Variants in NUMA1 observed in about 807,000 individuals in gnomAD.
NUMA1 encodes the protein SP-H antigen.
A neutral mutation model predicts 237.1 loss-of-function variants in NUMA1; 62 were observed. That is an observed-to-expected ratio of 0.26 (90% confidence interval 0.21 to 0.32). The LOEUF (loss-of-function observed/expected upper bound fraction) is 0.32. NUMA1 is among the 10% of genes least tolerant of loss of function. The probability of loss-of-function intolerance (pLI) is 1.00; values close to 1 mark genes in which losing one functional copy is unlikely to be tolerated. For synonymous variants in NUMA1, 1,028 were observed against 1,066.1 expected (o/e 0.96, Z 0.70); for missense variants, 2,533 against 2,666.5 (o/e 0.95, Z 1.10).
intron 2 of NUMA1, among the ~76,000 whole-genome samples, chr11:72,036,808 C>T (rs555915016): frequency 6.6e-6 from 1 of 152,300 alleles, no homozygotes; most frequent in South Asian, 2.1e-4. Context: ...CCAACCCACC[C>T]AAGAGACCAC....
intron 2 of NUMA1, chr11:72,041,645 G>A (rs1176578913): frequency 1.3e-5 from 2 of 152,236 alleles, no homozygotes; most frequent in Non-Finnish European, 2.9e-5. Flanking sequence ...CAAGCAACAT[G>A]CAGGCCCTCT....
chr11:72,015,023 T>C lies in NUMA1; in HGVS notation c.2480A>G (p.Tyr827Cys). The change falls in exon 15 of 27, where the codon TAT becomes TGT. Residue 827 changes from tyrosine to cysteine, a missense_variant. By Grantham distance (194) the Tyr-to-Cys change is radical (BLOSUM62 -2). Around this residue, in one of 3 missense-constraint regions of NUMA1, gnomAD observed 1,414 missense variants for 1,508.1 expected, o/e 0.94. Transcript: ENST00000393695. The surrounding 1 kb of genome is among the most constrained non-coding windows in gnomAD (Gnocchi z 4.0). ...CAGCTGTTCCTGGAACATGGCGCCA[T>C]ACTGTGCCTCCTCTTGCTGGCTATC... ...YEDSQQEEAQ[Y>C]GAMFQEQLMT... is the part of the protein sequence containing the mutation. 1 of 1,614,122 alleles carries C rather than the reference T, an allele frequency of 6.2e-7. No homozygotes were observed. The highest frequency in any genetic ancestry group is 8.5e-7 in the Non-Finnish European group (1 of 1,180,022).
At chr11:72,020,530 T>C (rs1356236339) in intron 8 of NUMA1, 2 of 152,244 alleles carry the variant, frequency 1.3e-5, no homozygotes, top group African/African-American at 2.4e-5. Flanking sequence ...GGTTTATGTA[T>C]CTGCCTTTCC....
rs781152207 is a variant in NUMA1 at position 72,006,281 on chromosome 11, T to C, written c.5464-18A>G. 1.2e-6 allele frequency: 2 copies of C among 1,609,118 alleles called. No individual in the cohort carries two copies. Among genetic ancestry groups the C allele is most frequent in the South Asian group, 2.2e-5 (2 of 90,904 alleles). ...TCTAGCTTCTGGAAGACAGAGTGAA[T>C]CTGTTGCAGTGTACAGTCCCTGGCA... On this transcript the variant is annotated intron_variant, in intron 21 of 26. Transcript: ENST00000393695.
At chr11:72,034,968 CACCTT>C (rs1940827206) in intron 3 of NUMA1, among the ~76,000 whole-genome samples, 2 of 152,256 alleles carry the variant, frequency 1.3e-5, no homozygotes, top group African/African-American at 4.8e-5. Context: ...GGGATCCTCC[CACCTT>C]AGCCTGCCAA....
At chr11:72,042,273 G>C (rs995513988) in intron 2 of NUMA1, 7 of 152,232 alleles carry the variant, frequency 4.6e-5, no homozygotes, top group African/African-American at 1.2e-4. Flanking sequence ...AACATTTACT[G>C]AGCACCTACT....
chr11:72,005,458 C>G (rs2134419832), intron 22 of NUMA1, 89 bp from the exon 23 acceptor site: 2 of 1,306,242 alleles, frequency 1.5e-6, no homozygotes, highest in East Asian at 4.8e-5. Context: ...TTGCTGCCAC[C>G]TACCCCATAA....
In NUMA1 at chr11:72,005,319, C is replaced by T; in HGVS notation, c.5743G>A (p.Asp1915Asn). The change falls in exon 23 of 27, where the codon GAT becomes AAT. Residue 1915 changes from aspartate to asparagine, a missense_variant. By Grantham distance (23) the Asp-to-Asn change is conservative. Around this residue, in one of 3 missense-constraint regions of NUMA1, gnomAD observed 795 missense variants for 750.8 expected, o/e 1.06. Coordinates refer to ENST00000393695, the MANE Select transcript of NUMA1 (RefSeq NM_006185.4). ...AGCTCTGCAATGCGGTTCCAGTCATCCAGCTGCTCAGGCTCATCCTGGCAA... is the reference window on the plus strand; with the variant it reads ...AGCTCTGCAATGCGGTTCCAGTCATTCAGCTGCTCAGGCTCATCCTGGCAA... ...GTCQDEPEQL[D>N]DWNRIAELQQ... 6.2e-7 allele frequency: 1 copy of T among 1,608,330 alleles called. No homozygotes were observed. The highest frequency in any genetic ancestry group is 1.1e-5 in the South Asian group (1 of 90,314).
At chr11:72,046,493 G>A (rs897451367) in intron 2 of NUMA1, among the ~76,000 whole-genome samples, 4 of 151,900 alleles carry the variant, frequency 2.6e-5, no homozygotes, top group African/African-American at 4.8e-5. Context: ...GTGGTGAGCC[G>A]AGATCGTGCC....
At chr11:72,008,640 C>T (rs770033779) in intron 20 of NUMA1, 48 bp downstream of exon 20, 4 of 1,579,572 alleles carry the variant, frequency 2.5e-6, no homozygotes, top group African/African-American at 1.3e-5. Context: ...GCCTGATAAA[C>T]AGCAGGCACT....
intron 22 of NUMA1, 99 bp downstream of exon 22, chr11:72,005,936 C>T: frequency 9.7e-7 from 1 of 1,035,266 alleles, no homozygotes; most frequent in Admixed American, 2.2e-5. Context: ...AGCAAGGAGG[C>T]CAGCCTTGGA....
At position 72,029,290 on chromosome 11, in the gene NUMA1, C is replaced by A. The variant is rs764021799; in HGVS notation, c.43G>T (p.Val15Leu). Residue 15 changes from valine (V) to leucine (L), a missense_variant and splice_region_variant, in exon 4 of 27, where the codon GTG (valine) becomes TTG (leucine). By Grantham distance (32) the Val-to-Leu change is conservative (BLOSUM62 1). This residue lies in a region of NUMA1 where 1,414 missense variants were observed against 1,508.1 expected (regional missense o/e 0.94). Transcript: ENST00000393695. The part of the protein sequence containing the change: ...ATRGAALLSW[V>L]NSLHVADPVE... ...GGGTCAGCCACGTGTAGACTGTTCACCTGTAAATCAAAGGGAACAGCCTAG... is the reference window on the plus strand; with the variant it reads ...GGGTCAGCCACGTGTAGACTGTTCAACTGTAAATCAAAGGGAACAGCCTAG... The A allele has an allele frequency of 6.2e-7, 1 of 1,602,736 alleles. No individual in the cohort carries two copies. The highest frequency in any genetic ancestry group is 8.5e-7 in the Non-Finnish European group (1 of 1,176,524).
intron 9 of NUMA1, 161 bp from the exon 10 acceptor site, chr11:72,019,141 T>C: frequency 4.1e-6 from 3 of 730,044 alleles, no homozygotes; most frequent in South Asian, 3.9e-5. Flanking sequence ...CCTCATGACA[T>C]GATCTTGGGA....
intron 3 of NUMA1, among the ~76,000 whole-genome samples, chr11:72,035,188 T>TA (rs1180997388): frequency 6.6e-6 from 1 of 151,994 alleles, no homozygotes; most frequent in African/African-American, 2.4e-5. Context: ...TGCACTCTAT[T>TA]ATTTTTTCAT....
chr11:72,029,767 T>C (rs1286783925), intron 3 of NUMA1, among the ~76,000 whole-genome samples: 1 of 152,202 alleles, frequency 6.6e-6, no homozygotes, highest in South Asian at 2.1e-4. Flanking sequence ...TTTGTGGCTC[T>C]TGAGTTTTGA....
At chr11:72,046,922 T>G (rs1339977836) in intron 2 of NUMA1, among the ~76,000 whole-genome samples, 1 of 151,760 alleles carries the variant, frequency 6.6e-6, no homozygotes. Flanking sequence ...ATTGCGCCAT[T>G]GCACTCCAGT....
Position 72,008,839 on chromosome 11 carries a change from G to T in NUMA1, c.5065C>A (p.His1689Asn). ...AGGTCTCGAAGCTGCTGGTCTGCATGGGCAACCTGAGAAGGAGAGGGCCAG... is the reference window on the plus strand; with the variant it reads ...AGGTCTCGAAGCTGCTGGTCTGCATTGGCAACCTGAGAAGGAGAGGGCCAG... ...QVRSLEAQVA[H>N]ADQQLRDLGK... The change falls in exon 20 of 27, where the codon CAT becomes AAT. Residue 1689 changes from histidine (H) to asparagine (N), a missense_variant. Coordinates refer to ENST00000393695, the MANE Select transcript of NUMA1 (RefSeq NM_006185.4). 1 of 1,614,104 alleles carries T rather than the reference G, an allele frequency of 6.2e-7. No individual in the cohort carries two copies. The highest frequency in any genetic ancestry group is 8.5e-7 in the Non-Finnish European group (1 of 1,180,014).
At chr11:72,074,109 G>A (rs1332888443) in intron 1 of NUMA1, among the ~76,000 whole-genome samples, 3 of 152,002 alleles carry the variant, frequency 2.0e-5, no homozygotes, top group African/African-American at 4.8e-5. Context: ...CAGGAGAATC[G>A]CTTGAACCCA....
intron 2 of NUMA1, among the ~76,000 whole-genome samples, chr11:72,042,908 GT>G (rs1325684003): frequency 1.3e-5 from 2 of 152,022 alleles, no homozygotes; most frequent in Non-Finnish European, 2.9e-5. Flanking sequence ...AAGTCCGAGA[GT>G]TGGAGACCAG....
Sources: allele counts gnomAD v4.1 joint callset (sites outside exome capture counted in the v4.1 genomes callset), GRCh38; gene constraint gnomAD v4.1.1; regional missense constraint gnomAD v4.1.1; non-coding constraint Gnocchi (gnomAD v3.1); transcripts MANE v1.5; gene names NCBI Gene and HGNC (gene_info 2026-07-23, HGNC 2026-07-21).